TAOK2: variants seen among roughly 807,000 people sequenced by gnomAD.
TAOK2 encodes the protein TAO kinase 2.
TAOK2 carries 42 observed loss-of-function variants against 122.5 expected under a neutral mutation model. The observed-to-expected ratio is 0.34, with a 90% CI of 0.27 to 0.44. The LOEUF is 0.44. Ranked by LOEUF, TAOK2 falls within the 20% of genes least tolerant of loss-of-function variation. TAOK2 has a pLI of 1.00. For synonymous variants in TAOK2, 704 were observed against 677.6 expected (o/e 1.04, Z -0.61); for missense variants, 1,264 against 1,644.9 (o/e 0.77, Z 4.01).
Position 29,985,932 on chromosome 16 carries a change from C to T in TAOK2, c.1992+71C>T. ...CAGGGACCCACCCTTTTCCATTTTCCTCATTCTTGTCTTCTTTCTCCTTGG... is the reference window on the plus strand; with the variant it reads ...CAGGGACCCACCCTTTTCCATTTTCTTCATTCTTGTCTTCTTTCTCCTTGG... On this transcript the variant is annotated intron_variant, in intron 15 of 15. Transcript: ENST00000308893. This position sits in a 1 kb window ranked among gnomAD's most constrained non-coding sequence, Gnocchi z 6.9. The T allele has an allele frequency of 2.0e-6, 3 of 1,529,658 alleles. No individual in the cohort carries two copies. Among genetic ancestry groups the T allele is most frequent in the South Asian group, 1.2e-5 (1 of 83,892 alleles). 94.8% of individuals were successfully genotyped at this position (1,529,658 alleles called of 1,614,324 possible).
chr16:29,991,306 C>G (rs746771770), downstream of TAOK2: 5 of 1,611,086 alleles, frequency 3.1e-6, no homozygotes, highest in Non-Finnish European at 4.2e-6. The surrounding 1 kb of genome is among the most constrained non-coding windows in gnomAD (Gnocchi z 5.6). Flanking sequence ...CCAGGCATGC[C>G]CCCTCCAGCC....
rs61737959 is a variant in TAOK2, at chr16:29,978,323, G to A, written c.276G>A (p.Arg92=). 1.2e-3 allele frequency: 1,972 copies of A among 1,614,122 alleles called. 26 individuals carry two copies. In the African/African-American group the frequency reaches 0.018, roughly 15 times the overall value. Residue 92 remains arginine, a synonymous_variant, in exon 4 of 16, where the codon CGG becomes CGA. Coordinates refer to ENST00000308893, the MANE Select transcript of TAOK2 (RefSeq NM_016151.4). ...KLRHPNTIQY[R]GCYLREHTAW... is the part of the protein sequence containing the mutation. The stretch of plus-strand genomic sequence containing the variant: ...GGCATCCCAACACCATTCAGTACCG[G>A]GGCTGTTACCTGAGGGAGCACACGG...
At position 29,986,610 on chromosome 16, in the gene TAOK2, C is replaced by G; in HGVS notation, c.2338C>G (p.Gln780Glu). Reference protein sequence around the residue: ...PIEQQPCSPGQEAVLDQRMLG... With the variant: ...PIEQQPCSPGEEAVLDQRMLG... ...AGAACAGCAGCCCTGCTCACCTGGC[C>G]AGGAGGCAGTCCTGGACCAAAGAAT... Residue 780 changes from glutamine to glutamate, a missense_variant, in exon 16 of 16, where the codon CAG (glutamine) becomes GAG (glutamate). This residue lies in a region of TAOK2 where 824 missense variants were observed against 908.7 expected (regional missense o/e 0.91). Coordinates refer to ENST00000308893, the MANE Select transcript of TAOK2 (RefSeq NM_016151.4). This position sits in a 1 kb window ranked among gnomAD's most constrained non-coding sequence, Gnocchi z 4.2. The G allele has an allele frequency of 6.2e-7, 1 of 1,612,988 alleles. No homozygotes were observed. The highest frequency in any genetic ancestry group is 8.5e-7 in the Non-Finnish European group (1 of 1,179,460).
At chr16:29,981,204 C>A (rs2069602628) in intron 8 of TAOK2, 1 of 288,066 alleles carries the variant, frequency 3.5e-6, no homozygotes, top group Non-Finnish European at 6.4e-6. Flanking sequence ...CTCTCAACTT[C>A]CCAGCCACTT....
Position 29,978,259 on chromosome 16 carries a change from A to C in TAOK2, c.212A>C (p.Gln71Pro). ...YSGKQSNEKWQDIIKEVRFLQ... is the reference protein window; with the variant it reads ...YSGKQSNEKWPDIIKEVRFLQ... ...CCTACCCTGACCCCCTAGAAATGGCAAGACATCATCAAGGAGGTGCGGTTC... is the reference window on the plus strand; with the variant it reads ...CCTACCCTGACCCCCTAGAAATGGCCAGACATCATCAAGGAGGTGCGGTTC... The change falls in exon 4 of 16, where the codon CAA becomes CCA. Residue 71 changes from glutamine (Q) to proline (P), a missense_variant. Physicochemically the swap from Gln to Pro is moderately conservative, Grantham distance 76 (BLOSUM62 -1). Coordinates refer to ENST00000308893, the MANE Select transcript of TAOK2 (RefSeq NM_016151.4). The C allele has an allele frequency of 6.2e-7, 1 of 1,614,036 alleles. No individual in the cohort carries two copies. The highest frequency in any genetic ancestry group is 8.5e-7 in the Non-Finnish European group (1 of 1,179,974).
Position 29,985,843 on chromosome 16 carries a change from C to T in TAOK2, c.1974C>T (p.Asp658=). The change falls in exon 15 of 16, where the codon GAC becomes GAT. Residue 658 remains aspartate (D), a synonymous_variant. Coordinates refer to ENST00000308893, the MANE Select transcript of TAOK2 (RefSeq NM_016151.4). The surrounding 1 kb of genome is among the most constrained non-coding windows in gnomAD (Gnocchi z 6.9). Reference sequence around the variant, plus strand: ...TGTTGCTGGCTCGGCACAGCCTGGACCAGGACCTGCTGCGGGAGGTAGGCA... The same window carrying T: ...TGTTGCTGGCTCGGCACAGCCTGGATCAGGACCTGCTGCGGGAGGTAGGCA... ...RKMLLARHSL[D]QDLLREDLNK... 6.2e-7 allele frequency: 1 copy of T among 1,611,642 alleles called. No homozygotes were observed. Among genetic ancestry groups the T allele is most frequent in the Non-Finnish European group, 8.5e-7 (1 of 1,179,718 alleles).
downstream of TAOK2, chr16:29,991,096 G>A (rs138889090): frequency 3.5e-5 from 56 of 1,593,420 alleles, no homozygotes; most frequent in African/African-American, 5.0e-4. This position sits in a 1 kb window ranked among gnomAD's most constrained non-coding sequence, Gnocchi z 5.6. Context: ...GAGCGAATCC[G>A]CAGTCTGCTT....
Position 29,982,857 on chromosome 16 carries a change from G to A in TAOK2, c.955G>A (p.Glu319Lys). 6.2e-7 allele frequency: 1 copy of A among 1,614,078 alleles called. No homozygotes were observed. The highest frequency in any genetic ancestry group is 1.7e-5 in the Admixed American group (1 of 60,018). ...YRKMKKILFQEAPNGPGAEAP... is the reference protein window; with the variant it reads ...YRKMKKILFQKAPNGPGAEAP... ...CAAGATGAAGAAGATCCTGTTCCAA[G>A]AGGCACCCAACGGCCCTGGTGCCGA... Residue 319 changes from glutamate to lysine, a missense_variant, in exon 11 of 16, where the codon GAG becomes AAG. By Grantham distance (56) the Glu-to-Lys change is moderately conservative. Transcript: ENST00000308893.
chr16:29,981,378 G>C, intron 8 of TAOK2: 1 of 591,326 alleles, frequency 1.7e-6, no homozygotes, highest in Non-Finnish European at 3.0e-6. Flanking sequence ...AGAAATATTA[G>C]TTGGGGTGAT....
rs763282108 is a variant in TAOK2 at position 29,986,036 on chromosome 16, T to C, written c.1992+175T>C. Among the ~76,000 whole-genome samples, 1 of 152,140 alleles carries C rather than the reference T, an allele frequency of 6.6e-6. No individual in the cohort carries two copies. The highest frequency in any genetic ancestry group is 1.5e-5 in the Non-Finnish European group (1 of 68,016). ...CCAACAGACCCTGCCAGAATTTCCTTAGGCCTCTTTTCCCAGGCCAGGGAG... is the reference window on the plus strand; with the variant it reads ...CCAACAGACCCTGCCAGAATTTCCTCAGGCCTCTTTTCCCAGGCCAGGGAG... On this transcript the variant is annotated intron_variant, in intron 15 of 15. Transcript: ENST00000308893. The surrounding 1 kb of genome is among the most constrained non-coding windows in gnomAD (Gnocchi z 4.2).
chr16:29,989,575 G>A (rs1339390843), downstream of TAOK2: 1 of 1,612,882 alleles, frequency 6.2e-7, no homozygotes, highest in Non-Finnish European at 8.5e-7. Flanking sequence ...ATCTCCCCTT[G>A]ATCCGTCCAC....
intron 13 of TAOK2, among the ~76,000 whole-genome samples, chr16:29,984,929 G>T (rs2150898983): frequency 6.6e-6 from 1 of 152,254 alleles, no homozygotes; most frequent in South Asian, 2.1e-4. Flanking sequence ...TTGATCCCAG[G>T]TATGTCTGAC....
Position 29,987,963 on chromosome 16 carries a change from C to CT in TAOK2, c.3692dup (p.Pro1232AlafsTer18). ...GTCACGCACCCGCCAGTCCCGGGCC[C>CT]TGCCCCCCTGGAGGTAGCTGACTCC... On this transcript the variant is annotated frameshift_variant, in exon 16 of 16. Coordinates refer to ENST00000308893, the MANE Select transcript of TAOK2 (RefSeq NM_016151.4). LOFTEE classifies it high-confidence loss of function. The CT allele has an allele frequency of 6.5e-7, 1 of 1,539,446 alleles. No individual in the cohort carries two copies. Among genetic ancestry groups the CT allele is most frequent in the Non-Finnish European group, 8.7e-7 (1 of 1,148,172 alleles).
Position 29,987,449 on chromosome 16 carries a change from T to C in TAOK2, c.3177T>C (p.Pro1059=). ...TAGCTTGGCCAGGCCTAGCTCTACCTCTGGTGGCTATGGCAGCGGGGGGCA... is the reference window on the plus strand; with the variant it reads ...TAGCTTGGCCAGGCCTAGCTCTACCCCTGGTGGCTATGGCAGCGGGGGGCA... ...WLLAWPGLAL[P]LVAMAAGGRW... is the part of the protein sequence containing the mutation. The change falls in exon 16 of 16, where the codon CCT becomes CCC. Residue 1059 remains proline, a synonymous_variant. Coordinates refer to ENST00000308893, the MANE Select transcript of TAOK2 (RefSeq NM_016151.4). 6.3e-7 allele frequency: 1 copy of C among 1,598,572 alleles called. No individual in the cohort carries two copies. The highest frequency in any genetic ancestry group is 1.3e-5 in the African/African-American group (1 of 74,536).
downstream of TAOK2, chr16:29,992,123 T>G (rs1596627567): frequency 6.7e-6 from 1 of 149,562 alleles, no homozygotes. Context: ...GGATCAGGGC[T>G]GGGGCGGGGA....
chr16:29,984,710 G>A (rs2069726166), intron 13 of TAOK2, among the ~76,000 whole-genome samples: 1 of 152,104 alleles, frequency 6.6e-6, no homozygotes, highest in Non-Finnish European at 1.5e-5. Context: ...GCATCTTGTG[G>A]CCCCGATCCC....
chr16:29,991,171 T>G, downstream of TAOK2: 1 of 1,611,482 alleles, frequency 6.2e-7, no homozygotes, highest in Non-Finnish European at 8.5e-7. This position sits in a 1 kb window ranked among gnomAD's most constrained non-coding sequence, Gnocchi z 5.6. Flanking sequence ...TTCTCCAGCA[T>G]GGCTCTGGGG....
downstream of TAOK2, chr16:29,991,070 G>C: frequency 6.3e-7 from 1 of 1,579,326 alleles, no homozygotes. This position sits in a 1 kb window ranked among gnomAD's most constrained non-coding sequence, Gnocchi z 5.6. Context: ...TGCTGGCCCT[G>C]CAGACAGGAC....
At chr16:29,976,608 G>T (rs769897816) in intron 1 of TAOK2, among the ~76,000 whole-genome samples, 6 of 152,196 alleles carry the variant, frequency 3.9e-5, no homozygotes, top group Non-Finnish European at 8.8e-5. Context: ...GAGGGTTTTG[G>T]TTCTGGTATC....
Sources: gnomAD v4.1 joint callset for allele counts (sites outside exome capture counted in the v4.1 genomes callset) on GRCh38, gnomAD v4.1.1 for gene constraint, gnomAD v4.1.1 regional missense constraint, Gnocchi (gnomAD v3.1) non-coding constraint, MANE v1.5 for transcripts, NCBI Gene and HGNC (gene_info 2026-07-23, HGNC 2026-07-21) for gene names.